NRXN3: variants seen among roughly 807,000 people sequenced by gnomAD.
The protein encoded by NRXN3 is neurexin 3.
NRXN3 carries 32 observed loss-of-function variants against 137.6 expected under a neutral mutation model. The ratio of observed to expected loss-of-function variants is 0.23; its 90% CI spans 0.18 to 0.31. The LOEUF (loss-of-function observed/expected upper bound fraction) is 0.31, where lower values mean the gene tolerates loss of function less well. Ranked by LOEUF, NRXN3 falls within the 10% of genes least tolerant of loss-of-function variation. NRXN3 has a pLI of 1.00. For synonymous variants in NRXN3, 798 were observed against 784.5 expected, an observed-to-expected ratio of 1.02 and a Z score of -0.29; for missense variants, 1,574 against 2,062.5, an observed-to-expected ratio of 0.76 and a Z score of 4.59.
At chr14:79,754,169 A>AAAAAAC (rs1471135112) in intron 19 of NRXN3, among the ~76,000 whole-genome samples, 2 of 151,846 alleles carry the variant, frequency 1.3e-5, no homozygotes, top group East Asian at 3.9e-4. Context: ...CTAAAAGAAG[A>AAAAAAC]AAAAACAAAA....
At chr14:79,553,363 T>C (rs547154036) in intron 16 of NRXN3, among the ~76,000 whole-genome samples, 70 of 152,130 alleles carry the variant, frequency 4.6e-4, no homozygotes, top group African/African-American at 1.5e-3. Flanking sequence ...AGAATTGAGG[T>C]TCAGGAAGGT....
chr14:78,765,302 C>T (rs112515657), intron 8 of NRXN3, among the ~76,000 whole-genome samples: 1 of 152,144 alleles, frequency 6.6e-6, no homozygotes, highest in African/African-American at 2.4e-5. Context: ...TATAGGTATG[C>T]ACCACTACAC....
chr14:78,752,124 G>T (rs528715602), intron 8 of NRXN3, among the ~76,000 whole-genome samples: 3 of 152,306 alleles, frequency 2.0e-5, no homozygotes, highest in Admixed American at 2.0e-4. Context: ...GCATTTTGGG[G>T]CCAGGCGCGG....
intron 4 of NRXN3, among the ~76,000 whole-genome samples, chr14:78,468,007 T>G (rs969763871): frequency 1.3e-5 from 2 of 152,126 alleles, no homozygotes; most frequent in African/African-American, 4.8e-5. Context: ...CACTGCAACC[T>G]CCGCCTCCCA....
chr14:79,306,703 C>T (rs1336456201), intron 15 of NRXN3, among the ~76,000 whole-genome samples: 3 of 152,148 alleles, frequency 2.0e-5, no homozygotes, highest in Middle Eastern at 3.4e-3. Context: ...GCCCTGACAC[C>T]TAGTTCATCA....
intron 15 of NRXN3, among the ~76,000 whole-genome samples, chr14:79,385,206 C>CG (rs1314960163): frequency 1.0e-5 from 1 of 98,020 alleles, no homozygotes; most frequent in Non-Finnish European, 2.4e-5. Flanking sequence ...GCTATCCTTC[C>CG]CCCCGCCCCC....
intron 15 of NRXN3, among the ~76,000 whole-genome samples, chr14:79,301,577 G>C (rs1227393852): frequency 6.6e-6 from 1 of 152,036 alleles, no homozygotes; most frequent in Non-Finnish European, 1.5e-5. Context: ...GAAAGAAATA[G>C]ATTTTTCTAT....
chr14:79,365,068 G>A (rs989542385), intron 15 of NRXN3, among the ~76,000 whole-genome samples: 3 of 152,090 alleles, frequency 2.0e-5, no homozygotes, highest in Non-Finnish European at 4.4e-5. Flanking sequence ...TAAAATATTA[G>A]CTGAATAGTT....
intron 15 of NRXN3, among the ~76,000 whole-genome samples, chr14:79,298,241 A>T (rs1212153000): frequency 2.6e-5 from 4 of 152,160 alleles, no homozygotes; most frequent in Non-Finnish European, 5.9e-5. Flanking sequence ...TGACATGACC[A>T]GCCAGAGGCT....
chr14:78,971,799 C>A (rs1175217041), intron 14 of NRXN3, among the ~76,000 whole-genome samples: 1 of 151,976 alleles, frequency 6.6e-6, no homozygotes, highest in Non-Finnish European at 1.5e-5. Context: ...CCATACCTGG[C>A]TAATTTTTGT....
chr14:79,516,087 C>T (rs934631626), intron 16 of NRXN3, among the ~76,000 whole-genome samples: 3 of 152,180 alleles, frequency 2.0e-5, no homozygotes, highest in African/African-American at 7.2e-5. Context: ...CTCCAGTGAG[C>T]CACAGCTCTG....
chr14:78,685,358 A>T (rs532427077), intron 6 of NRXN3, among the ~76,000 whole-genome samples: 14 of 152,238 alleles, frequency 9.2e-5, no homozygotes, highest in African/African-American at 3.4e-4. Flanking sequence ...GTGGCTTTCC[A>T]TCTTGCTCAG....
In NRXN3 at chr14:79,113,111, T is replaced by G. The variant is rs1307326844; in HGVS notation, c.3262+124970T>G. On this transcript the variant is annotated intron_variant, in intron 15 of 20. Transcript: ENST00000335750. ...AGGATGTTTAGCACCATTCCTATCT[T>G]ATGCCTGCTAGATACCAGCAGCACT... 2.0e-5 allele frequency among the ~76,000 whole-genome samples: 3 copies of G among 152,302 alleles called. No individual in the cohort carries two copies. The East Asian group carries it at 5.8e-4, about 29-fold the overall frequency.
At chr14:79,462,242 G>A (rs2096354478) in intron 15 of NRXN3, among the ~76,000 whole-genome samples, 1 of 151,688 alleles carries the variant, frequency 6.6e-6, no homozygotes, top group Admixed American at 6.6e-5. Flanking sequence ...GTGTGGTGGT[G>A]CATGCCTGTA....
intron 15 of NRXN3, among the ~76,000 whole-genome samples, chr14:79,278,895 G>A (rs1357710974): frequency 6.6e-6 from 1 of 152,352 alleles, no homozygotes; most frequent in South Asian, 2.1e-4. Context: ...CGCCAGGCAG[G>A]GAGGAGCGCG....
intron 19 of NRXN3, among the ~76,000 whole-genome samples, chr14:79,797,121 G>A (rs558192600): frequency 6.6e-6 from 1 of 152,314 alleles, no homozygotes; most frequent in Middle Eastern, 3.4e-3. Context: ...CAGTACAAAT[G>A]TAAATAAAAT....
chr14:78,999,163 T>C (rs1488825939), intron 15 of NRXN3, among the ~76,000 whole-genome samples: 3 of 152,182 alleles, frequency 2.0e-5, no homozygotes, highest in African/African-American at 7.2e-5. Flanking sequence ...TGACTGTCCT[T>C]ATTTTGATCA....
chr14:78,320,667 G>T (rs1321099147), intron 4 of NRXN3, among the ~76,000 whole-genome samples: 1 of 152,202 alleles, frequency 6.6e-6, no homozygotes, highest in Admixed American at 6.5e-5. Flanking sequence ...GCCTCACGCT[G>T]GTGGTCAACT....
intron 20 of NRXN3, among the ~76,000 whole-genome samples, chr14:79,813,823 G>T (rs989464237): frequency 6.6e-6 from 1 of 152,002 alleles, no homozygotes; most frequent in Non-Finnish European, 1.5e-5. Context: ...TAATTGAAAA[G>T]ATAAGAGTCA....
Sources: allele counts gnomAD v4.1 joint callset (sites outside exome capture counted in the v4.1 genomes callset), GRCh38; gene constraint gnomAD v4.1.1; transcripts MANE v1.5; gene names NCBI Gene and HGNC (gene_info 2026-07-23, HGNC 2026-07-21).